Variants in NUTM2F observed in about 807,000 individuals in gnomAD.
NUTM2F encodes the protein NUT family member 2F, also known as family with sequence similarity 22, member F.
In NUTM2F, 22 loss-of-function variants were observed where a neutral mutation model predicts 43.3. The observed-to-expected ratio is 0.51, with a 90% CI of 0.36 to 0.73. The LOEUF is 0.73. NUTM2F is among the 30% of genes least tolerant of loss of function. NUTM2F has a pLI of 0.00. For missense variants in NUTM2F, 488 were observed against 927.4 expected, an observed-to-expected ratio of 0.53 and a Z score of 6.15; for synonymous variants, 202 against 389.0, an observed-to-expected ratio of 0.52 and a Z score of 5.66.
intron 1 of NUTM2F, among the ~76,000 whole-genome samples, chr9:94,326,463 T>C (rs1433732544): frequency 2.0e-5 from 3 of 152,034 alleles, no homozygotes; most frequent in Admixed American, 6.5e-5. Flanking sequence ...AGAAAACCAC[T>C]GGATAGGCCG....
chr9:94,321,571 G>A (rs1210372846), intron 3 of NUTM2F, among the ~76,000 whole-genome samples: 2 of 146,496 alleles, frequency 1.4e-5, no homozygotes, highest in African/African-American at 5.1e-5. Context: ...CCCAGATGCA[G>A]GAGTCCTGAG....
intron 2 of NUTM2F, among the ~76,000 whole-genome samples, chr9:94,323,052 A>G (rs1457134696): frequency 6.6e-6 from 1 of 152,064 alleles, no homozygotes; most frequent in Admixed American, 6.6e-5. Flanking sequence ...ACACAGCCTC[A>G]GGGTCCTGGA....
In NUTM2F at chr9:94,320,975, G is replaced by A; in HGVS notation, c.982+118C>T. ...TACCCAACATACACTCCCGGAAGCT[G>A]TCCTGTTGGAGGGAGCAAATCCCCC... On this transcript the variant is annotated intron_variant, in intron 4 of 6. Coordinates refer to ENST00000253262, the MANE Select transcript of NUTM2F (RefSeq NM_017561.2). The surrounding 1 kb of genome is among the most constrained non-coding windows in gnomAD (Gnocchi z 4.5). 9 of 1,455,310 alleles carry A rather than the reference G, an allele frequency of 6.2e-6. No homozygotes were observed. The South Asian group carries it at 1.1e-4, about 18-fold the overall frequency. 90.1% of individuals were successfully genotyped at this position (1,455,310 alleles called of 1,614,324 possible).
chr9:94,319,323 G>T, intron 6 of NUTM2F, 73 bp from the exon 7 acceptor site: 1 of 600,278 alleles, frequency 1.7e-6, no homozygotes, highest in Non-Finnish European at 2.9e-6. Flanking sequence ...GGAGACCAGG[G>T]CACTTGGGTG....
At position 94,319,593 on chromosome 9, in the gene NUTM2F, C is replaced by A. The variant is rs765199497; in HGVS notation, c.1485+20G>T. Reference sequence around the variant, plus strand: ...TCCTGCCCCTGGAGTACCTGGGTTCCCCTCCCTCCGCTGCTCTACCTGGGC... The same window carrying A: ...TCCTGCCCCTGGAGTACCTGGGTTCACCTCCCTCCGCTGCTCTACCTGGGC... On this transcript the variant is annotated intron_variant, in intron 6 of 6. Transcript: ENST00000253262. 3 of 1,612,282 alleles carry A rather than the reference C, an allele frequency of 1.9e-6. No homozygotes were observed. The African/African-American group carries it at 4.0e-5, about 22-fold the overall frequency.
In NUTM2F at chr9:94,320,521, G is replaced by A. The variant is rs200093724; in HGVS notation, c.1055C>T (p.Ala352Val). The change falls in exon 5 of 7, where the codon GCG (alanine) becomes GTG (valine). Residue 352 changes from alanine to valine, a missense_variant. Transcript: ENST00000253262. This position sits in a 1 kb window ranked among gnomAD's most constrained non-coding sequence, Gnocchi z 4.5. ...TGGTGGCAGGTGGGCCTTGGTCTCC[G>A]CTGGCCTCTGGGGCCTGGGTGGTGG... is the stretch of plus-strand genomic sequence containing the variant. The part of the protein sequence containing the change: ...CLPPPRPQRP[A>V]ETKAHLPPPR... 3.0e-4 allele frequency: 490 copies of A among 1,611,280 alleles called. No homozygotes were observed. The highest frequency in any genetic ancestry group is 2.7e-3 in the Middle Eastern group (12 of 4,456).
rs1327384446 is a variant in NUTM2F, at chr9:94,322,305, C to T, written c.738G>A (p.Arg246=). ...CCTCCAGCGTCATGGTGGGCTTCCGCCGGGCCAGGGATCGGAGAACTGGGC... is the reference window on the plus strand; with the variant it reads ...CCTCCAGCGTCATGGTGGGCTTCCGTCGGGCCAGGGATCGGAGAACTGGGC... The part of the protein sequence containing the change: ...FLIPVLRSLA[R]RKPTMTLEEG... The change falls in exon 3 of 7, where the codon CGG becomes CGA. Residue 246 remains arginine (R), a synonymous_variant. Transcript: ENST00000253262. The T allele has an allele frequency of 5.6e-6, 9 of 1,611,986 alleles. No homozygotes were observed. Among genetic ancestry groups the T allele is most frequent in the Non-Finnish European group, 7.6e-6 (9 of 1,179,850 alleles).
At chr9:94,323,093 CA>C (rs1329589809) in intron 2 of NUTM2F, among the ~76,000 whole-genome samples, 1 of 152,152 alleles carries the variant, frequency 6.6e-6, no homozygotes, top group Admixed American at 6.5e-5. Context: ...CGTCCAGAAC[CA>C]AAGCAGAGCG....
intron 2 of NUTM2F, among the ~76,000 whole-genome samples, chr9:94,324,579 C>T (rs867057790): frequency 2.0e-5 from 3 of 149,882 alleles, no homozygotes; most frequent in South Asian, 2.1e-4. Context: ...AGGAGAATGA[C>T]GTGAACCTGG....
In NUTM2F at chr9:94,320,369, C is replaced by G. The variant is rs149664723; in HGVS notation, c.1207G>C (p.Glu403Gln). ...CCAGGGTGAGACCCCAGCAGCTCCTCCATGATGTCCACATACTCCTGCACC... is the reference window on the plus strand; with the variant it reads ...CCAGGGTGAGACCCCAGCAGCTCCTGCATGATGTCCACATACTCCTGCACC... ...EVVQEYVDIM[E>Q]ELLGSHPGDT... is the part of the protein sequence containing the mutation. Residue 403 changes from glutamate to glutamine, a missense_variant, in exon 5 of 7, where the codon GAG (glutamate) becomes CAG (glutamine). Physicochemically the swap from Glu to Gln is conservative, Grantham distance 29 (BLOSUM62 2). Coordinates refer to ENST00000253262, the MANE Select transcript of NUTM2F (RefSeq NM_017561.2). This position sits in a 1 kb window ranked among gnomAD's most constrained non-coding sequence, Gnocchi z 4.5. 1 of 1,613,364 alleles carries G rather than the reference C, an allele frequency of 6.2e-7. No individual in the cohort carries two copies.
chr9:94,318,279 CTG>C lies in NUTM2F; in HGVS notation c.*184_*185del. ...TTCCCACCCCCCAGGCCCTCCCTTC[CTG>C]CCCTCCCCGTTCAGCCACCTTCTCC... On this transcript the variant is annotated 3_prime_UTR_variant, in exon 7 of 7. Transcript: ENST00000253262. The C allele has an allele frequency of 3.9e-6, 1 of 254,344 alleles. No individual in the cohort carries two copies. The highest frequency in any genetic ancestry group is 2.7e-5 in the South Asian group (1 of 36,674). The allele number at this position is 254,344 out of a possible 1,614,324, so 15.8% of individuals were successfully genotyped here.
chr9:94,319,824 C>T, intron 5 of NUTM2F, 95 bp from the exon 6 acceptor site: 1 of 1,520,068 alleles, frequency 6.6e-7, no homozygotes. Flanking sequence ...GGGAGGGCCC[C>T]ATTCCCACCC....
chr9:94,326,575 AC>A (rs1372864036), intron 1 of NUTM2F, among the ~76,000 whole-genome samples: 1 of 151,600 alleles, frequency 6.6e-6, no homozygotes, highest in East Asian at 1.9e-4. Context: ...ACGTGGTGAA[AC>A]CCCGTCTCTA....
At position 94,323,782 on chromosome 9, in the gene NUTM2F, G is replaced by A. The variant is rs914214198; in HGVS notation, c.714-1453C>T. Among the ~76,000 whole-genome samples, 14 of 152,182 alleles carry A rather than the reference G, an allele frequency of 9.2e-5. No individual in the cohort carries two copies. In the South Asian group the frequency reaches 1.0e-3, roughly 11 times the overall value. ...AAGATGCTAATACCTGCCCAGCATC[G>A]ACCCTAGTGCGGGTCCCAAGACCAT... On this transcript the variant is annotated intron_variant, in intron 2 of 6. Transcript: ENST00000253262.
Position 94,324,194 on chromosome 9 carries a change from T to C in NUTM2F, c.713+1044A>G, listed in dbSNP as rs534165952. ...CTGAGGCAGGAGAATCGCTTGAACC[T>C]AGGAGGCAGAGGTTGCGGTGAGCCA... On this transcript the variant is annotated intron_variant, in intron 2 of 6. Coordinates refer to ENST00000253262, the MANE Select transcript of NUTM2F (RefSeq NM_017561.2). Among the ~76,000 whole-genome samples, 305 of 151,490 alleles carry C rather than the reference T, an allele frequency of 2.0e-3. 4 individuals are homozygous for C. The highest frequency in any genetic ancestry group is 7.0e-3 in the Middle Eastern group (2 of 284).
In NUTM2F at chr9:94,320,272, G is replaced by A. The variant is rs770178571; in HGVS notation, c.1304C>T (p.Thr435Ile). The change falls in exon 5 of 7, where the codon ACC (threonine) becomes ATC (isoleucine). Residue 435 changes from threonine (T) to isoleucine (I), a missense_variant. Thr to Ile is a moderately conservative substitution (Grantham distance 89, BLOSUM62 -1). Coordinates refer to ENST00000253262, the MANE Select transcript of NUTM2F (RefSeq NM_017561.2). The surrounding 1 kb of genome is among the most constrained non-coding windows in gnomAD (Gnocchi z 4.5). ...VEQPQEEDGI[T>I]SDPGLLSYID... The stretch of plus-strand genomic sequence containing the variant: ...GTAGCTCAGGAGGCCCGGGTCTGAG[G>A]TTATCCCGTCCTCTTCCTGCGGCTG... 5 of 1,614,032 alleles carry A rather than the reference G, an allele frequency of 3.1e-6. No individual in the cohort carries two copies. The South Asian group carries it at 3.3e-5, about 11-fold the overall frequency.
At chr9:94,323,989 G>C (rs1222479385) in intron 2 of NUTM2F, among the ~76,000 whole-genome samples, 4 of 152,196 alleles carry the variant, frequency 2.6e-5, no homozygotes, top group Non-Finnish European at 5.9e-5. Context: ...CTAAACCCAG[G>C]GTGGGTGCGG....
intron 2 of NUTM2F, among the ~76,000 whole-genome samples, chr9:94,322,900 C>T (rs1247260023): frequency 1.3e-5 from 2 of 151,994 alleles, no homozygotes; most frequent in African/African-American, 2.4e-5. Context: ...CTATGGGATT[C>T]GTTACGGCAG....
chr9:94,320,357 C>T lies in NUTM2F; in HGVS notation c.1219G>A (p.Gly407Arg). 1 of 1,613,588 alleles carries T rather than the reference C, an allele frequency of 6.2e-7. No individual in the cohort carries two copies. Residue 407 changes from glycine to arginine, a missense_variant, in exon 5 of 7, where the codon GGG becomes AGG. Physicochemically the swap from Gly to Arg is moderately radical, Grantham distance 125. Coordinates refer to ENST00000253262, the MANE Select transcript of NUTM2F (RefSeq NM_017561.2). This position sits in a 1 kb window ranked among gnomAD's most constrained non-coding sequence, Gnocchi z 4.5. ...TCCCCTGTGTCCCCAGGGTGAGACCCCAGCAGCTCCTCCATGATGTCCACA... is the reference window on the plus strand; with the variant it reads ...TCCCCTGTGTCCCCAGGGTGAGACCTCAGCAGCTCCTCCATGATGTCCACA... ...EYVDIMEELL[G>R]SHPGDTGEPE... is the part of the protein sequence containing the mutation.
Sources: gnomAD v4.1 joint callset for allele counts (sites outside exome capture counted in the v4.1 genomes callset) on GRCh38, gnomAD v4.1.1 for gene constraint, Gnocchi (gnomAD v3.1) non-coding constraint, MANE v1.5 for transcripts, NCBI Gene and HGNC (gene_info 2026-07-23, HGNC 2026-07-21) for gene names.